Variants in SPON1 observed in about 807,000 individuals in gnomAD.
SPON1 encodes spondin-1.
Under a neutral mutation model 111.7 loss-of-function variants are expected in SPON1, and 52 were observed. The observed-to-expected ratio is 0.47, with a 90% confidence interval of 0.37 to 0.59. The LOEUF is 0.59. SPON1 is among the 20% of genes least tolerant of loss of function. The pLI is 0.00. For synonymous variants in SPON1, 410 were observed against 395.8 expected, an observed-to-expected ratio of 1.04 and a Z score of -0.43; for missense variants, 957 against 1,068.5, an observed-to-expected ratio of 0.90 and a Z score of 1.46.
At chr11:14,169,117 A>G (rs1445765446) in intron 6 of SPON1, among the ~76,000 whole-genome samples, 1 of 152,234 alleles carries the variant, frequency 6.6e-6, no homozygotes, top group Admixed American at 6.5e-5. Flanking sequence ...CATTCTCACC[A>G]ATAGTGTGAA....
At chr11:13,977,678 A>T (rs1554909174) in intron 1 of SPON1, among the ~76,000 whole-genome samples, 3 of 151,764 alleles carry the variant, frequency 2.0e-5, no homozygotes, top group Non-Finnish European at 1.5e-5. Context: ...CAAAAGTTTG[A>T]TATCACCCCA....
intron 10 of SPON1, among the ~76,000 whole-genome samples, chr11:14,257,017 G>A (rs1222043907): frequency 6.6e-6 from 1 of 152,108 alleles, no homozygotes; most frequent in Non-Finnish European, 1.5e-5. Context: ...AGGCAGGTGT[G>A]GATACATTCA....
intron 2 of SPON1, among the ~76,000 whole-genome samples, chr11:14,031,783 C>G (rs1848560920): frequency 1.3e-5 from 2 of 152,058 alleles, no homozygotes; most frequent in South Asian, 4.2e-4. Context: ...TCATAAAAGA[C>G]AAAAGCAACT....
intron 2 of SPON1, among the ~76,000 whole-genome samples, chr11:14,007,811 G>A (rs1374255201): frequency 1.2e-4 from 18 of 152,104 alleles, no homozygotes; most frequent in African/African-American, 4.1e-4. Context: ...TGCCTCTTGC[G>A]GCTTCTGGTG....
chr11:14,116,665 A>AT (rs200230690), intron 5 of SPON1, among the ~76,000 whole-genome samples: 5,594 of 151,680 alleles, frequency 0.037, 122 homozygotes, highest in Non-Finnish European at 0.046. Context: ...GTGTTCTCTG[A>AT]TTTTTTTTCT....
chr11:14,069,111 C>A (rs979425750), intron 3 of SPON1, among the ~76,000 whole-genome samples: 16 of 152,004 alleles, frequency 1.1e-4, no homozygotes, highest in African/African-American at 3.9e-4. Context: ...TTCTAATCCC[C>A]CTGTCTTTTG....
chr11:13,993,879 GT>G (rs1298081931), intron 2 of SPON1, among the ~76,000 whole-genome samples: 3 of 152,142 alleles, frequency 2.0e-5, no homozygotes, highest in Admixed American at 1.3e-4. Context: ...TCATTGCCTT[GT>G]TTTATTTTTA....
chr11:14,036,468 T>C (rs782305016), intron 2 of SPON1, among the ~76,000 whole-genome samples: 6 of 152,112 alleles, frequency 3.9e-5, no homozygotes, highest in Non-Finnish European at 7.4e-5. Context: ...ACTTGCACAA[T>C]TGGAGTAGGA....
chr11:14,117,528 A>G (rs781940543), intron 5 of SPON1, among the ~76,000 whole-genome samples: 17 of 152,162 alleles, frequency 1.1e-4, no homozygotes, highest in Admixed American at 2.6e-4. Flanking sequence ...AATAAACCCT[A>G]CATTGTTATT....
chr11:14,031,966 G>GA (rs373813831), intron 2 of SPON1, among the ~76,000 whole-genome samples: 3 of 152,078 alleles, frequency 2.0e-5, no homozygotes, highest in Non-Finnish European at 4.4e-5. Flanking sequence ...TTCATTTCCA[G>GA]AAAAAACTTA....
intron 2 of SPON1, among the ~76,000 whole-genome samples, chr11:14,006,634 G>T (rs1848362847): frequency 6.6e-6 from 1 of 152,046 alleles, no homozygotes; most frequent in Non-Finnish European, 1.5e-5. Flanking sequence ...TCCCACCACT[G>T]CCCTCTCCTC....
intron 6 of SPON1, among the ~76,000 whole-genome samples, chr11:14,234,977 T>G (rs1554939074): frequency 6.6e-6 from 1 of 152,204 alleles, no homozygotes; most frequent in African/African-American, 2.4e-5. Flanking sequence ...AATGAGCACT[T>G]ATGAACGGCC....
intron 6 of SPON1, among the ~76,000 whole-genome samples, chr11:14,162,355 A>G (rs559185320): frequency 1.3e-5 from 2 of 152,160 alleles, no homozygotes; most frequent in Admixed American, 6.5e-5. Context: ...CTATAACCTA[A>G]AGAAGAATGT....
At chr11:14,196,650 C>T (rs1848405712) in intron 6 of SPON1, among the ~76,000 whole-genome samples, 1 of 152,234 alleles carries the variant, frequency 6.6e-6, no homozygotes, top group Non-Finnish European at 1.5e-5. Context: ...TTGTCCCCAG[C>T]TCAGTGCTGG....
chr11:14,084,899 GTGA>G (rs1291011879), intron 5 of SPON1, among the ~76,000 whole-genome samples: 2 of 152,198 alleles, frequency 1.3e-5, no homozygotes, highest in Non-Finnish European at 2.9e-5. Context: ...CTAATGACCA[GTGA>G]TGATGAGCTT....
chr11:13,984,554 A>G (rs782257777), intron 2 of SPON1, among the ~76,000 whole-genome samples: 2 of 151,778 alleles, frequency 1.3e-5, no homozygotes, highest in South Asian at 2.1e-4. Flanking sequence ...TAACTAATCC[A>G]CTCCCACGAC....
At chr11:13,967,056 T>TC (rs1306669395) in intron 1 of SPON1, among the ~76,000 whole-genome samples, 3 of 152,278 alleles carry the variant, frequency 2.0e-5, no homozygotes, top group South Asian at 2.1e-4. Context: ...TGAGGAAGTT[T>TC]CTGATCGTTA....
Position 14,265,737 on chromosome 11 carries a change from T to A in SPON1, c.*50T>A. On this transcript the variant is annotated 3_prime_UTR_variant, in exon 16 of 16. Coordinates refer to ENST00000576479, the MANE Select transcript of SPON1 (RefSeq NM_006108.4). ...GCACTCTAGATTCCAGAGTCACCAATGGCTGGATTATTTGCTTGTTTAAGA... is the reference window on the plus strand; with the variant it reads ...GCACTCTAGATTCCAGAGTCACCAAAGGCTGGATTATTTGCTTGTTTAAGA... The A allele has an allele frequency of 6.3e-7, 1 of 1,576,710 alleles. No individual in the cohort carries two copies. Among genetic ancestry groups the A allele is most frequent in the East Asian group, 2.3e-5 (1 of 44,428 alleles).
intron 2 of SPON1, among the ~76,000 whole-genome samples, chr11:13,983,456 G>C (rs1272349791): frequency 6.6e-6 from 1 of 152,226 alleles, no homozygotes. Flanking sequence ...AGTTTAAGAG[G>C]TGGTAATGGT....
Sources: allele counts gnomAD v4.1 joint callset (sites outside exome capture counted in the v4.1 genomes callset), GRCh38; gene constraint gnomAD v4.1.1; transcripts MANE v1.5; gene names NCBI Gene and HGNC (gene_info 2026-07-23, HGNC 2026-07-21).